The following CDKN2B-AS1 variants were observed in gnomAD, a reference collection of about 807,000 sequenced individuals.
CDKN2B-AS1 encodes the protein CDKN2B antisense RNA 1 (non-protein coding).
intron 4 of CDKN2B-AS1, among the ~76,000 whole-genome samples, chr9:22,116,666 A>T (rs1236702577): frequency 6.6e-6 from 1 of 152,122 alleles, no homozygotes; most frequent in East Asian, 1.9e-4. Context: ...GGCCCATTGG[A>T]GGGACAGAGA....
intron 4 of CDKN2B-AS1, among the ~76,000 whole-genome samples, chr9:22,071,078 T>C (rs1185824333): frequency 6.6e-6 from 1 of 151,906 alleles, no homozygotes; most frequent in East Asian, 1.9e-4. Context: ...ACTCTTCAGT[T>C]ACAAGAGATG....
At chr9:22,104,048 C>T (rs764517492) in intron 4 of CDKN2B-AS1, among the ~76,000 whole-genome samples, 1 of 152,168 alleles carries the variant, frequency 6.6e-6, no homozygotes, top group Non-Finnish European at 1.5e-5. Flanking sequence ...TATTGTGCTA[C>T]TCTTTAATAA....
intron 1 of CDKN2B-AS1, among the ~76,000 whole-genome samples, chr9:22,026,388 A>G (rs1391752653): frequency 6.6e-6 from 1 of 152,066 alleles, no homozygotes; most frequent in Non-Finnish European, 1.5e-5. Context: ...GCCACATTTT[A>G]ATAGAGCAAC....
At position 22,023,158 on chromosome 9, in the gene CDKN2B-AS1, A is replaced by G. The variant is rs368258600; in HGVS notation, n.30-23593A>G. On this transcript the variant is annotated intron_variant and non_coding_transcript_variant, in intron 1 of 4. Transcript: ENST00000650946. ...GGGTTCTCTGCATTTCCTGAACTTGAATGTTGGCCTCTCTGGCTAGGATGG... is the reference window on the plus strand; with the variant it reads ...GGGTTCTCTGCATTTCCTGAACTTGGATGTTGGCCTCTCTGGCTAGGATGG... 2.6e-5 allele frequency among the ~76,000 whole-genome samples: 4 copies of G among 152,134 alleles called. No individual in the cohort carries two copies. The East Asian group carries it at 5.8e-4, about 22-fold the overall frequency.
In CDKN2B-AS1 at chr9:22,030,495, C is replaced by T. The variant is rs1822423387; in HGVS notation, n.30-16256C>T. On this transcript the variant is annotated intron_variant and non_coding_transcript_variant, in intron 1 of 4. Transcript: ENST00000650946. Reference sequence around the variant, plus strand: ...TGGTGTTGAAAAATTTTCCCATATGCCAGAGAAAAAATGTTACAGTGACAC... The same window carrying T: ...TGGTGTTGAAAAATTTTCCCATATGTCAGAGAAAAAATGTTACAGTGACAC... 4 of 151,782 alleles carry T rather than the reference C, an allele frequency of 2.6e-5. No homozygotes were observed. The South Asian group carries it at 8.3e-4, about 32-fold the overall frequency. 9.4% of individuals were successfully genotyped at this position (151,782 alleles called of 1,614,324 possible).
intron 4 of CDKN2B-AS1, among the ~76,000 whole-genome samples, chr9:22,082,724 G>A (rs1824740058): frequency 6.6e-6 from 1 of 152,186 alleles, no homozygotes; most frequent in Non-Finnish European, 1.5e-5. Context: ...AAAACATGTA[G>A]AGGATTGTGT....
At chr9:22,094,886 A>C (rs1175572079) in intron 4 of CDKN2B-AS1, among the ~76,000 whole-genome samples, 1 of 144,034 alleles carries the variant, frequency 6.9e-6, no homozygotes, top group Non-Finnish European at 1.5e-5. Flanking sequence ...GAGGAGAGGC[A>C]CTCTGATTTT....
chr9:22,093,053 CT>C, intron 4 of CDKN2B-AS1, among the ~76,000 whole-genome samples: 1 of 152,192 alleles, frequency 6.6e-6, no homozygotes, highest in South Asian at 2.1e-4. Flanking sequence ...CAAAGAACAT[CT>C]TTATTTCTGC....
intron 4 of CDKN2B-AS1, among the ~76,000 whole-genome samples, chr9:22,083,598 A>G (rs1399259208): frequency 6.6e-6 from 1 of 152,252 alleles, no homozygotes; most frequent in Non-Finnish European, 1.5e-5. Flanking sequence ...ATTCTTATAA[A>G]GCACCCTAGG....
At chr9:22,047,573 GTTA>G (rs1202833145) in intron 2 of CDKN2B-AS1, among the ~76,000 whole-genome samples, 2 of 152,048 alleles carry the variant, frequency 1.3e-5, no homozygotes, top group African/African-American at 4.8e-5. Context: ...AAATATATTA[GTTA>G]TTATTTATTA....
At chr9:22,012,268 T>A in intron 1 of CDKN2B-AS1, 10 of 1,455,256 alleles carry the variant, frequency 6.9e-6, no homozygotes, top group Non-Finnish European at 8.7e-6. Context: ...GTATCCCCCC[T>A]GACAAGCAGC....
rs71336509 is a variant in CDKN2B-AS1, at chr9:22,071,285, C to CTTTTTTTTT, written n.438+14921_438+14929dup. Among the ~76,000 whole-genome samples, 54 of 67,574 alleles carry CTTTTTTTTT rather than the reference C, an allele frequency of 8.0e-4. 5 individuals carry two copies. The highest frequency in any genetic ancestry group is 3.8e-3 in the African/African-American group (54 of 14,202). 44.3% of individuals were successfully genotyped at this position (67,574 alleles called of 152,430 possible). On this transcript the variant is annotated intron_variant and non_coding_transcript_variant, in intron 4 of 4. Transcript: ENST00000650946. ...AGAGGCCAGGCTTAGAAATATCTAG[C>CTTTTTTTTT]TTTTTTTTTTTTTTTTTTTTTTTTT...
In CDKN2B-AS1 at chr9:22,030,633, C is replaced by G. The variant is rs191143355; in HGVS notation, n.30-16118C>G. ...TTTACTCAGGCTTCAATTAAGTAGA[C>G]CTGAATGTAAATTCAGGTCTAGCTC... is the stretch of plus-strand genomic sequence containing the variant. On this transcript the variant is annotated intron_variant and non_coding_transcript_variant, in intron 1 of 4. Coordinates refer to ENST00000650946, the Ensembl canonical transcript of CDKN2B-AS1. 1.3e-3 allele frequency: 202 copies of G among 152,164 alleles called. 1 individual carries two copies. Among genetic ancestry groups the G allele is most frequent in the African/African-American group, 4.6e-3 (189 of 41,520 alleles). The allele number at this position is 152,164 out of a possible 1,614,324, so 9.4% of individuals were successfully genotyped here.
In CDKN2B-AS1 at chr9:22,045,127, A is replaced by C. The variant is rs992162639; in HGVS notation, n.30-1624A>C. On this transcript the variant is annotated intron_variant and non_coding_transcript_variant, in intron 1 of 4. Coordinates refer to ENST00000650946, the Ensembl canonical transcript of CDKN2B-AS1. ...ATGCAAAGGATTTGATTTTATAAAC[A>C]GAAGCAATAGGATTAAGAGGATAAA... is the stretch of plus-strand genomic sequence containing the variant. 3.0e-4 allele frequency among the ~76,000 whole-genome samples: 45 copies of C among 151,640 alleles called. 1 individual carries two copies. Among genetic ancestry groups the C allele is most frequent in the African/African-American group, 8.2e-4 (34 of 41,312 alleles).
At chr9:22,086,395 A>G (rs1426228882) in intron 4 of CDKN2B-AS1, among the ~76,000 whole-genome samples, 1 of 152,186 alleles carries the variant, frequency 6.6e-6, no homozygotes, top group African/African-American at 2.4e-5. Flanking sequence ...GGAAGTTTAT[A>G]TCTAACCTCA....
rs1352561297 is a variant in CDKN2B-AS1, at chr9:22,037,859, T to A, written n.30-8892T>A. On this transcript the variant is annotated intron_variant and non_coding_transcript_variant, in intron 1 of 4. Transcript: ENST00000650946. ...TCAATTTTATCTGTTATGGTCACAG[T>A]GAATCTGGAAAAAAATATATATGGG... 2.0e-5 allele frequency among the ~76,000 whole-genome samples: 3 copies of A among 152,106 alleles called. No individual in the cohort carries two copies. The East Asian group carries it at 5.8e-4, about 29-fold the overall frequency.
At chr9:22,079,960 T>C (rs138192718) in intron 4 of CDKN2B-AS1, among the ~76,000 whole-genome samples, 1 of 152,204 alleles carries the variant, frequency 6.6e-6, no homozygotes, top group African/African-American at 2.4e-5. Flanking sequence ...AGAGCAGCAA[T>C]GCCTTATGAA....
intron 1 of CDKN2B-AS1, among the ~76,000 whole-genome samples, chr9:22,016,930 A>G (rs1269996107): frequency 1.3e-5 from 2 of 152,364 alleles, no homozygotes; most frequent in East Asian, 3.9e-4. Flanking sequence ...TTGATGATCA[A>G]GCTCTATCTT....
chr9:22,028,867 A>C (rs1038099037), intron 1 of CDKN2B-AS1, among the ~76,000 whole-genome samples: 1 of 152,182 alleles, frequency 6.6e-6, no homozygotes, highest in Non-Finnish European at 1.5e-5. Flanking sequence ...TAAATTACTA[A>C]AGTATAATTG....
Sources: allele counts gnomAD v4.1 joint callset (sites outside exome capture counted in the v4.1 genomes callset), GRCh38; gene constraint gnomAD v4.1.1; transcripts MANE v1.5; gene names NCBI Gene and HGNC (gene_info 2026-07-23, HGNC 2026-07-21).